The following CADM2 variants were observed in gnomAD, a reference collection of about 807,000 sequenced individuals.
CADM2 encodes the protein cell adhesion molecule 2, also known as immunoglobulin superfamily member 4D.
A neutral mutation model predicts 49.8 loss-of-function variants in CADM2; 12 were observed. The ratio of observed to expected loss-of-function variants is 0.24; its 90% CI spans 0.15 to 0.39. The LOEUF is 0.39. CADM2 is among the 10% of genes least tolerant of loss of function. The pLI is 1.00. For missense variants in CADM2, 378 were observed against 492.3 expected (o/e 0.77, Z 2.20); for synonymous variants, 214 against 175.4 (o/e 1.22, Z -1.74).
At chr3:85,948,334 TC>T (rs1157374055) in intron 7 of CADM2, among the ~76,000 whole-genome samples, 1 of 151,392 alleles carries the variant, frequency 6.6e-6, no homozygotes, top group East Asian at 1.9e-4. Flanking sequence ...TGCATTTTTT[TC>T]GTAACATGTA....
intron 1 of CADM2, among the ~76,000 whole-genome samples, chr3:85,055,790 G>A (rs2036057976): frequency 6.6e-6 from 1 of 151,948 alleles, no homozygotes; most frequent in African/African-American, 2.4e-5. Context: ...AGCACACTTT[G>A]AGTAGCTCTG....
rs1014862068 is a variant in CADM2 at position 86,070,506 on chromosome 3, T to C, written c.*3723T>C. The stretch of plus-strand genomic sequence containing the variant: ...AATTTTACATTATGCTTTTTAATTG[T>C]GGAGAAAATGCAAAACCTCATGTCT... On this transcript the variant is annotated 3_prime_UTR_variant, in exon 10 of 10. Transcript: ENST00000383699. 1.3e-5 allele frequency: 2 copies of C among 151,952 alleles called. No individual in the cohort carries two copies. The highest frequency in any genetic ancestry group is 4.8e-5 in the African/African-American group (2 of 41,426). 9.4% of individuals were successfully genotyped at this position (151,952 alleles called of 1,614,324 possible).
chr3:85,827,752 T>A (rs1343896530), intron 3 of CADM2, among the ~76,000 whole-genome samples: 1 of 151,984 alleles, frequency 6.6e-6, no homozygotes, highest in Non-Finnish European at 1.5e-5. Flanking sequence ...GCTGTATTTT[T>A]CCCAAATGTA....
At chr3:85,234,276 T>C (rs2042362973) in intron 1 of CADM2, among the ~76,000 whole-genome samples, 2 of 152,118 alleles carry the variant, frequency 1.3e-5, no homozygotes, top group South Asian at 4.1e-4. Flanking sequence ...ACGTTTATAA[T>C]ATTGAGGTAA....
intron 1 of CADM2, among the ~76,000 whole-genome samples, chr3:85,240,428 A>C (rs2042505659): frequency 6.6e-6 from 1 of 151,558 alleles, no homozygotes; most frequent in African/African-American, 2.4e-5. Flanking sequence ...TTTAGTCATA[A>C]TGATTATTGC....
At chr3:85,513,617 T>C (rs1457153802) in intron 1 of CADM2, among the ~76,000 whole-genome samples, 2 of 152,012 alleles carry the variant, frequency 1.3e-5, no homozygotes, top group African/African-American at 4.8e-5. Context: ...GCTTATTTTA[T>C]TGGCTTTTGT....
intron 1 of CADM2, among the ~76,000 whole-genome samples, chr3:85,421,016 A>T (rs2036143951): frequency 6.6e-6 from 1 of 152,198 alleles, no homozygotes; most frequent in Admixed American, 6.5e-5. Context: ...AGCAGAAAAT[A>T]CAGTCTTCAC....
At chr3:85,184,244 A>G (rs985188724) in intron 1 of CADM2, among the ~76,000 whole-genome samples, 1 of 152,088 alleles carries the variant, frequency 6.6e-6, no homozygotes, top group Non-Finnish European at 1.5e-5. Context: ...TAGATTTGTG[A>G]GTGTGTTTCC....
chr3:85,142,466 A>G (rs949145397), intron 1 of CADM2, among the ~76,000 whole-genome samples: 1 of 152,230 alleles, frequency 6.6e-6, no homozygotes, highest in Non-Finnish European at 1.5e-5. Flanking sequence ...TGGTGCTGGC[A>G]GAGAGCCACT....
chr3:85,956,676 A>G (rs1724096995), intron 7 of CADM2, among the ~76,000 whole-genome samples: 1 of 149,922 alleles, frequency 6.7e-6, no homozygotes, highest in Non-Finnish European at 1.5e-5. Context: ...TTTTTGAAAA[A>G]TTTTGTTTTA....
chr3:85,548,912 T>A (rs1257491326), intron 1 of CADM2, among the ~76,000 whole-genome samples: 1 of 152,232 alleles, frequency 6.6e-6, no homozygotes, highest in Non-Finnish European at 1.5e-5. Context: ...TGTAATAGCC[T>A]TCTGTGGCAT....
chr3:85,870,708 A>G (rs1429118329), intron 3 of CADM2, among the ~76,000 whole-genome samples: 2 of 152,208 alleles, frequency 1.3e-5, no homozygotes, highest in African/African-American at 4.8e-5. Context: ...TACAATGAAC[A>G]AAATGTATGC....
chr3:85,686,519 A>G (rs1196544080), intron 1 of CADM2, among the ~76,000 whole-genome samples: 1 of 152,234 alleles, frequency 6.6e-6, no homozygotes, highest in Non-Finnish European at 1.5e-5. Context: ...TTAGAGGATT[A>G]GCAGTCTTTT....
intron 1 of CADM2, among the ~76,000 whole-genome samples, chr3:85,307,157 A>T (rs1489455631): frequency 2.0e-5 from 3 of 151,654 alleles, no homozygotes; most frequent in Non-Finnish European, 4.4e-5. Context: ...ATTTACGTAT[A>T]TGCATATATA....
In CADM2 at chr3:86,040,923, T is replaced by A. The variant is rs185102565; in HGVS notation, c.971-24682T>A. Among the ~76,000 whole-genome samples the A allele has an allele frequency of 5.8e-3, 890 of 152,310 alleles. 7 individuals are homozygous for A. The highest frequency in any genetic ancestry group is 0.02 in the African/African-American group (825 of 41,566). ...CAAGCCAGAAGAGAGTGGGGGTTAA[T>A]ATTCAACATTCTTAAAGAAAAGAAT... On this transcript the variant is annotated intron_variant, in intron 8 of 9. Coordinates refer to ENST00000383699, the MANE Select transcript of CADM2 (RefSeq NM_001167675.2).
intron 1 of CADM2, among the ~76,000 whole-genome samples, chr3:85,284,066 G>T (rs1274958857): frequency 6.6e-6 from 1 of 152,070 alleles, no homozygotes; most frequent in Non-Finnish European, 1.5e-5. Context: ...ACTAAGAAAG[G>T]TTGTTTGCAA....
intron 1 of CADM2, among the ~76,000 whole-genome samples, chr3:85,489,434 T>C (rs1024009544): frequency 3.3e-5 from 5 of 152,162 alleles, no homozygotes; most frequent in Admixed American, 3.3e-4. Context: ...CAAGTTTTCA[T>C]TTAATATATT....
At chr3:85,212,705 C>A (rs577595524) in intron 1 of CADM2, among the ~76,000 whole-genome samples, 1 of 151,686 alleles carries the variant, frequency 6.6e-6, no homozygotes, top group East Asian at 1.9e-4. Flanking sequence ...AAGATAAAAC[C>A]ACTCAAGATA....
intron 1 of CADM2, among the ~76,000 whole-genome samples, chr3:85,373,026 C>T (rs1167078270): frequency 6.6e-6 from 1 of 151,982 alleles, no homozygotes; most frequent in Non-Finnish European, 1.5e-5. Flanking sequence ...CTGGTCTTGG[C>T]CCCTCCCAAA....
Sources: gnomAD v4.1 joint callset for allele counts (sites outside exome capture counted in the v4.1 genomes callset) on GRCh38, gnomAD v4.1.1 for gene constraint, MANE v1.5 for transcripts, NCBI Gene and HGNC (gene_info 2026-07-23, HGNC 2026-07-21) for gene names.